WDFY4: variants seen among roughly 807,000 people sequenced by gnomAD.
The protein encoded by WDFY4 is WDFY family member 4, also known as WD repeat- and FYVE domain-containing protein 4.
A neutral mutation model predicts 351.9 loss-of-function variants in WDFY4; 169 were observed. That is an observed-to-expected ratio of 0.48 (90% CI 0.42 to 0.55). WDFY4 has a LOEUF of 0.55. Among genes scored for constraint, WDFY4 ranks in the 20% least tolerant of loss-of-function variants. The pLI, the probability that WDFY4 is intolerant of heterozygous loss-of-function variation, is 0.00. For missense variants in WDFY4, 3,803 were observed against 3,935.6 expected (o/e 0.97, Z 0.90); for synonymous variants, 1,622 against 1,574.6 (o/e 1.03, Z -0.71).
At chr10:48,766,444 G>A (rs1487651125) in intron 13 of WDFY4, among the ~76,000 whole-genome samples, 1 of 152,130 alleles carries the variant, frequency 6.6e-6, no homozygotes, top group Non-Finnish European at 1.5e-5. Context: ...TAAAAAATCA[G>A]CCAGGCATGG....
At chr10:48,923,385 T>A (rs982541677) in intron 47 of WDFY4, among the ~76,000 whole-genome samples, 7 of 151,778 alleles carry the variant, frequency 4.6e-5, no homozygotes, top group Non-Finnish European at 8.8e-5. Flanking sequence ...TATGCACTCA[T>A]CTGATGTTTA....
At chr10:48,946,253 A>G in intron 50 of WDFY4, 96 bp downstream of exon 50, 1 of 965,038 alleles carries the variant, frequency 1.0e-6, no homozygotes, top group Non-Finnish European at 1.6e-6. Context: ...CTAGCCTACA[A>G]GTAATTGCAT....
chr10:48,746,419 T>A (rs2065016934), intron 12 of WDFY4, among the ~76,000 whole-genome samples: 1 of 152,202 alleles, frequency 6.6e-6, no homozygotes, highest in Non-Finnish European at 1.5e-5. Flanking sequence ...ATCCTTTGGT[T>A]TTAACCTTTC....
intron 41 of WDFY4, 130 bp from the exon 42 acceptor site, chr10:48,874,959 C>T: frequency 2.4e-6 from 1 of 422,070 alleles, no homozygotes; most frequent in Middle Eastern, 3.2e-4. Context: ...TCTCCCTTTG[C>T]ATCTGAGTCT....
chr10:48,873,600 C>T lies in WDFY4; in HGVS notation c.6851C>T (p.Ser2284Phe). ...WSQGEETKPC[S>F]PWELDWREGP... ...CAGGGGGAAGAAACCAAGCCCTGTT[C>T]CCCATGGGAACTCGACTGGAGAGAA... The change falls in exon 41 of 62, where the codon TCC (serine) becomes TTC (phenylalanine). Residue 2284 changes from serine to phenylalanine, a missense_variant. Ser to Phe is a radical substitution (Grantham distance 155, BLOSUM62 -2). This residue lies in a region of WDFY4 where 3,054 missense variants were observed against 3,148.6 expected (regional missense o/e 0.97). Coordinates refer to ENST00000325239, the MANE Select transcript of WDFY4 (RefSeq NM_001394531.1). 6.4e-7 allele frequency: 1 copy of T among 1,551,782 alleles called. No individual in the cohort carries two copies. Among genetic ancestry groups the T allele is most frequent in the Non-Finnish European group, 8.7e-7 (1 of 1,147,008 alleles).
At position 48,803,306 on chromosome 10, in the gene WDFY4, C is replaced by T. The variant is rs867257226; in HGVS notation, c.4431C>T (p.Asp1477=). 4.5e-6 allele frequency: 7 copies of T among 1,552,022 alleles called. No homozygotes were observed. In the Middle Eastern group the frequency reaches 8.3e-4, roughly 185 times the overall value. ...CNFELWMNTA[D]NLELSLFSHL... Reference sequence around the variant, plus strand: ...TCCAGCTCTGGATGAATACTGCAGACAATCTGGAGCTCAGCCTCTTTTCCC... The same window carrying T: ...TCCAGCTCTGGATGAATACTGCAGATAATCTGGAGCTCAGCCTCTTTTCCC... The change falls in exon 25 of 62, where the codon GAC becomes GAT. Residue 1477 remains aspartate, a synonymous_variant. Coordinates refer to ENST00000325239, the MANE Select transcript of WDFY4 (RefSeq NM_001394531.1).
At chr10:48,946,406 G>A (rs1055374807) in intron 50 of WDFY4, among the ~76,000 whole-genome samples, 1 of 152,376 alleles carries the variant, frequency 6.6e-6, no homozygotes, top group East Asian at 1.9e-4. Context: ...CATGCAGCCT[G>A]GCTGGAGAAA....
At chr10:48,787,051 G>A (rs2066426948) in intron 20 of WDFY4, among the ~76,000 whole-genome samples, 181 bp downstream of exon 20, 1 of 152,200 alleles carries the variant, frequency 6.6e-6, no homozygotes, top group East Asian at 1.9e-4. Flanking sequence ...AAAAGGAAAT[G>A]ACAATATCTT....
intron 59 of WDFY4, 116 bp from the exon 60 acceptor site, chr10:48,978,193 C>T: frequency 2.1e-6 from 2 of 943,768 alleles, no homozygotes; most frequent in South Asian, 3.5e-5. Context: ...GAAAGGGGGG[C>T]CATGTGTTCA....
At chr10:48,871,145 C>T (rs751530442) in intron 40 of WDFY4, among the ~76,000 whole-genome samples, 1 of 152,232 alleles carries the variant, frequency 6.6e-6, no homozygotes, top group Non-Finnish European at 1.5e-5. Flanking sequence ...CCGTGTTAGC[C>T]AGGATGGTCT....
intron 20 of WDFY4, among the ~76,000 whole-genome samples, chr10:48,787,884 T>C (rs1207397291): frequency 3.3e-5 from 3 of 89,902 alleles, no homozygotes; most frequent in Non-Finnish European, 5.9e-5. Context: ...CTTTCTTTCT[T>C]CTTCTTCTCC....
intron 13 of WDFY4, among the ~76,000 whole-genome samples, chr10:48,769,937 C>A (rs764713086): frequency 3.9e-5 from 6 of 152,214 alleles, no homozygotes; most frequent in Non-Finnish European, 8.8e-5. Context: ...ACCTGGTGAC[C>A]CTGTGCTCTT....
chr10:48,775,567 C>G (rs1420666702), intron 14 of WDFY4, 145 bp from the exon 15 acceptor site: 1 of 732,622 alleles, frequency 1.4e-6, no homozygotes, highest in African/African-American at 1.8e-5. Flanking sequence ...GACACCCTGT[C>G]TCCACATTGC....
chr10:48,695,873 C>A (rs2063318869), intron 1 of WDFY4, among the ~76,000 whole-genome samples: 1 of 152,116 alleles, frequency 6.6e-6, no homozygotes, highest in African/African-American at 2.4e-5. Context: ...AGATACAGAA[C>A]CAGCCCCTTC....
At position 48,821,087 on chromosome 10, in the gene WDFY4, A is replaced by G. The variant is rs2067808578; in HGVS notation, c.5735A>G (p.Gln1912Arg). 6.4e-7 allele frequency: 1 copy of G among 1,551,548 alleles called. No homozygotes were observed. The highest frequency in any genetic ancestry group is 2.0e-5 in the Admixed American group (1 of 50,980). ...GCTTCTCCAGACCACGCCACCAGCC[A>G]ACAGAAGCGAGACTTCCAGTCCGAG... Reference protein sequence around the residue: ...LEASPDHATSQQKRDFQSEVL... With the variant: ...LEASPDHATSRQKRDFQSEVL... The change falls in exon 34 of 62, where the codon CAA becomes CGA. Residue 1912 changes from glutamine (Q) to arginine (R), a missense_variant. Physicochemically the swap from Gln to Arg is conservative, Grantham distance 43. This residue lies in a region of WDFY4 where 3,054 missense variants were observed against 3,148.6 expected (regional missense o/e 0.97). Transcript: ENST00000325239.
chr10:48,757,908 T>C (rs2065384224), intron 12 of WDFY4, among the ~76,000 whole-genome samples: 1 of 152,130 alleles, frequency 6.6e-6, no homozygotes, highest in South Asian at 2.1e-4. Context: ...CCTATTTTTG[T>C]TGTGGTTGTC....
intron 6 of WDFY4, among the ~76,000 whole-genome samples, chr10:48,726,626 T>C (rs2064277472): frequency 6.6e-6 from 1 of 152,188 alleles, no homozygotes; most frequent in Non-Finnish European, 1.5e-5. Flanking sequence ...AGCTGAGTGA[T>C]CTCAGGCACT....
intron 47 of WDFY4, among the ~76,000 whole-genome samples, chr10:48,939,522 C>T (rs1052821507): frequency 6.6e-6 from 1 of 152,216 alleles, no homozygotes; most frequent in Non-Finnish European, 1.5e-5. Flanking sequence ...CCACGGATCT[C>T]AGGAGCACAT....
rs370799502 is a variant in WDFY4 at position 48,970,112 on chromosome 10, T to G, written c.8770-19T>G. The G allele has an allele frequency of 4.1e-5, 64 of 1,550,666 alleles. No individual in the cohort carries two copies. The highest frequency in any genetic ancestry group is 3.3e-4 in the Middle Eastern group (2 of 5,986). On this transcript the variant is annotated intron_variant, in intron 56 of 61. Transcript: ENST00000325239. ...CCTGCTGTCTCCACAGCAGCGCTCA[T>G]CCCCCTTATCTCCTACAGGTCCTGA...
Sources: allele counts gnomAD v4.1 joint callset (sites outside exome capture counted in the v4.1 genomes callset), GRCh38; gene constraint gnomAD v4.1.1; regional missense constraint gnomAD v4.1.1; transcripts MANE v1.5; gene names NCBI Gene and HGNC (gene_info 2026-07-23, HGNC 2026-07-21).